The following MAP3K9 variants were observed in gnomAD, a reference collection of about 807,000 sequenced individuals.
The protein encoded by MAP3K9 is mixed lineage kinase 1 (tyr and ser/thr specificity).
A neutral mutation model predicts 95.8 loss-of-function variants in MAP3K9; 46 were observed. That is an observed-to-expected ratio of 0.48 (90% CI 0.38 to 0.61). The LOEUF is 0.61. Ranked by LOEUF, MAP3K9 falls within the 20% of genes least tolerant of loss-of-function variation. The pLI is 0.00. For synonymous variants in MAP3K9, 533 were observed against 593.8 expected, an observed-to-expected ratio of 0.90 and a Z score of 1.49; for missense variants, 1,296 against 1,474.3, an observed-to-expected ratio of 0.88 and a Z score of 1.98.
chr14:70,732,659 T>A lies in MAP3K9; in HGVS notation c.2710A>T (p.Thr904Ser). 3 of 1,603,744 alleles carry A rather than the reference T, an allele frequency of 1.9e-6. No individual in the cohort carries two copies. Among genetic ancestry groups the A allele is most frequent in the Non-Finnish European group, 2.6e-6 (3 of 1,174,234 alleles). ...TGACTGCTGGGCTGCGAGGGGGTGG[T>A]GAGGGTGACATGGGTGGGAGTCAGA... The part of the protein sequence containing the change: ...QSLTPTHVTL[T>S]TPSQPSSHRR... Residue 904 changes from threonine to serine, a missense_variant, in exon 11 of 12, where the codon ACC (threonine) becomes TCC (serine). By Grantham distance (58) the Thr-to-Ser change is moderately conservative. Transcript: ENST00000554752.
chr14:70,745,118 G>T (rs1325798985), intron 5 of MAP3K9, among the ~76,000 whole-genome samples: 1 of 152,178 alleles, frequency 6.6e-6, no homozygotes, highest in Non-Finnish European at 1.5e-5. Context: ...TTAAAGTGGG[G>T]TGTGGGGTGG....
Position 70,767,721 on chromosome 14 carries a change from C to G in MAP3K9, c.821-6539G>C, listed in dbSNP as rs182655949. Among the ~76,000 whole-genome samples, 58 of 152,320 alleles carry G rather than the reference C, an allele frequency of 3.8e-4. 2 individuals are homozygous for G. The South Asian group carries it at 0.011, about 30-fold the overall frequency. On this transcript the variant is annotated intron_variant, in intron 2 of 11. Transcript: ENST00000554752. The stretch of plus-strand genomic sequence containing the variant: ...AGTATCAGGTCAAGACAGGGTCTCA[C>G]TCTGTTGCCCAGAATGGAGTGCAGT...
intron 2 of MAP3K9, among the ~76,000 whole-genome samples, chr14:70,776,867 T>C (rs1377498225): frequency 2.6e-5 from 4 of 151,494 alleles, no homozygotes; most frequent in East Asian, 1.9e-4. Flanking sequence ...GTCTCGCTCT[T>C]GTCCCCCAGG....
At chr14:70,753,116 C>G (rs74324644) in intron 3 of MAP3K9, among the ~76,000 whole-genome samples, 2,844 of 152,326 alleles carry the variant, frequency 0.019, 38 homozygotes, top group Non-Finnish European at 0.03. Flanking sequence ...GCAAGTTCAC[C>G]TCTCCAAACC....
chr14:70,804,165 C>T (rs2054963676), intron 1 of MAP3K9, among the ~76,000 whole-genome samples: 1 of 152,196 alleles, frequency 6.6e-6, no homozygotes, highest in Admixed American at 6.5e-5. Flanking sequence ...GAAGTAGCAG[C>T]TGACCTGGTG....
intron 2 of MAP3K9, among the ~76,000 whole-genome samples, chr14:70,774,770 A>T (rs1464966712): frequency 6.6e-6 from 1 of 151,962 alleles, no homozygotes. Flanking sequence ...GTGGATCATG[A>T]GGTCAAGAGA....
rs768701260 is a variant in MAP3K9, at chr14:70,749,948, C to T, written c.1135G>A (p.Ala379Thr). The T allele has an allele frequency of 2.5e-6, 4 of 1,614,068 alleles. No individual in the cohort carries two copies. Among genetic ancestry groups the T allele is most frequent in the East Asian group, 4.5e-5 (2 of 44,888 alleles). Residue 379 changes from alanine to threonine, a missense_variant, in exon 4 of 12, where the codon GCC (alanine) becomes ACC (threonine). Around this residue, in one of 5 missense-constraint regions of MAP3K9, gnomAD observed 136 missense variants for 221.5 expected, o/e 0.61. Coordinates refer to ENST00000554752, the MANE Select transcript of MAP3K9 (RefSeq NM_001284230.2). ...PIPSTCPEPF[A>T]KLMEDCWNPD... Reference sequence around the variant, plus strand: ...GCTTACTTACCTTCCATGAGTTTGGCAAAAGGTTCTGGGCACGTAGAAGGA... The same window carrying T: ...GCTTACTTACCTTCCATGAGTTTGGTAAAAGGTTCTGGGCACGTAGAAGGA...
rs145255814 is a variant in MAP3K9, at chr14:70,786,794, A to G, written c.820+13873T>C. 8.3e-3 allele frequency among the ~76,000 whole-genome samples: 1,258 copies of G among 152,340 alleles called. 6 individuals carry two copies. The highest frequency in any genetic ancestry group is 0.013 in the Non-Finnish European group (876 of 68,026). ...TAAGCTCTAATCATATCTATAAGCA[A>G]AAAAGAAAGTCAAGAATGACCAGAA... On this transcript the variant is annotated intron_variant, in intron 2 of 11. Coordinates refer to ENST00000554752, the MANE Select transcript of MAP3K9 (RefSeq NM_001284230.2).
In MAP3K9 at chr14:70,725,008, A is replaced by G. The variant is rs1362474201; in HGVS notation, c.*5372T>C. The G allele has an allele frequency of 6.6e-6, 1 of 152,358 alleles. No homozygotes were observed. Among genetic ancestry groups the G allele is most frequent in the Non-Finnish European group, 1.5e-5 (1 of 68,136 alleles). The allele number at this position is 152,358 out of a possible 1,614,324, so 9.4% of individuals were successfully genotyped here. A position where few individuals can be genotyped will look rare whatever the true frequency, so the allele number is the denominator to read the frequency against. The stretch of plus-strand genomic sequence containing the variant: ...GGTGATGAGTGCTTTCAAAGAGGGC[A>G]GGTCAGACCAGACAGGTAGGAAGAT... On this transcript the variant is annotated 3_prime_UTR_variant, in exon 12 of 12. Coordinates refer to ENST00000554752, the MANE Select transcript of MAP3K9 (RefSeq NM_001284230.2).
At chr14:70,796,331 A>G (rs1323921292) in intron 2 of MAP3K9, among the ~76,000 whole-genome samples, 8 of 152,242 alleles carry the variant, frequency 5.3e-5, no homozygotes, top group South Asian at 4.1e-4. Flanking sequence ...GTGATGTGGT[A>G]AAGTAGTATA....
chr14:70,807,693 T>C (rs947341567), intron 1 of MAP3K9, among the ~76,000 whole-genome samples: 2 of 152,152 alleles, frequency 1.3e-5, no homozygotes, highest in Non-Finnish European at 2.9e-5. Flanking sequence ...AACAATACCT[T>C]TTTAACAGAT....
chr14:70,798,942 T>C (rs1257874922), intron 2 of MAP3K9, among the ~76,000 whole-genome samples: 2 of 152,180 alleles, frequency 1.3e-5, no homozygotes, highest in Non-Finnish European at 2.9e-5. Flanking sequence ...ACATATCTAA[T>C]GTTCCATACC....
chr14:70,769,996 C>T (rs1430371896), intron 2 of MAP3K9, among the ~76,000 whole-genome samples: 1 of 152,138 alleles, frequency 6.6e-6, no homozygotes, highest in Non-Finnish European at 1.5e-5. Context: ...ATGAAGCCTT[C>T]CCAAAGGGAA....
intron 7 of MAP3K9, among the ~76,000 whole-genome samples, chr14:70,739,562 T>G (rs1363371424): frequency 6.7e-6 from 1 of 150,320 alleles, no homozygotes; most frequent in African/African-American, 2.5e-5. Context: ...TTTAAGCAAA[T>G]ACTGTAGCAA....
rs1221330932 is a variant in MAP3K9, at chr14:70,728,357, C to T, written c.*2023G>A. On this transcript the variant is annotated 3_prime_UTR_variant, in exon 12 of 12. Transcript: ENST00000554752. ...CAGGCTGGTCTCGAACTCCCGACCT[C>T]AGGTGATCCACCTGCCTCTGCCTCC... 6.6e-6 allele frequency: 1 copy of T among 152,120 alleles called. No individual in the cohort carries two copies. Among genetic ancestry groups the T allele is most frequent in the Non-Finnish European group, 1.5e-5 (1 of 68,056 alleles). The allele number at this position is 152,120 out of a possible 1,614,324, so 9.4% of individuals were successfully genotyped here. A position where few individuals can be genotyped will look rare whatever the true frequency, so the allele number is the denominator to read the frequency against.
At position 70,726,663 on chromosome 14, in the gene MAP3K9, G is replaced by C. The variant is rs370547966; in HGVS notation, c.*3717C>G. On this transcript the variant is annotated 3_prime_UTR_variant, in exon 12 of 12. Transcript: ENST00000554752. ...GGCAGAAGGGCATGGGCCCGACCAG[G>C]GCCCCCATTAGTCATGCTCAACCAC... 3 of 152,264 alleles carry C rather than the reference G, an allele frequency of 2.0e-5. No homozygotes were observed. Among genetic ancestry groups the C allele is most frequent in the East Asian group, 3.8e-4 (2 of 5,204 alleles). The allele number at this position is 152,264 out of a possible 1,614,324, so 9.4% of individuals were successfully genotyped here. A position where few individuals can be genotyped will look rare whatever the true frequency, so the allele number is the denominator to read the frequency against.
intron 2 of MAP3K9, among the ~76,000 whole-genome samples, chr14:70,768,776 C>T (rs1270085311): frequency 6.6e-6 from 1 of 152,050 alleles, no homozygotes; most frequent in African/African-American, 2.4e-5. Context: ...GTAAACTTAG[C>T]TTTGGTTGAT....
chr14:70,734,327 C>A (rs1379338261), intron 10 of MAP3K9, 59 bp downstream of exon 10: 2 of 1,225,144 alleles, frequency 1.6e-6, no homozygotes, highest in Non-Finnish European at 2.4e-6. Flanking sequence ...GAAGCTTGGG[C>A]AAGAATGCCC....
At position 70,742,569 on chromosome 14, in the gene MAP3K9, T is replaced by A; in HGVS notation, c.1349A>T (p.Glu450Val). The A allele has an allele frequency of 6.2e-7, 1 of 1,613,956 alleles. No individual in the cohort carries two copies. The highest frequency in any genetic ancestry group is 8.5e-7 in the Non-Finnish European group (1 of 1,179,964). ...KEKELRTWEEELTRAALQQKN... is the reference protein window; with the variant it reads ...KEKELRTWEEVLTRAALQQKN... ...CTGCTGCAGTGCAGCCCGCGTCAGCTCCTCCTCCCAGGTGCGAAGTTCCTG... is the reference window on the plus strand; with the variant it reads ...CTGCTGCAGTGCAGCCCGCGTCAGCACCTCCTCCCAGGTGCGAAGTTCCTG... Residue 450 changes from glutamate (E) to valine (V), a missense_variant, in exon 6 of 12, where the codon GAG becomes GTG. Coordinates refer to ENST00000554752, the MANE Select transcript of MAP3K9 (RefSeq NM_001284230.2).
Sources: allele counts gnomAD v4.1 joint callset (sites outside exome capture counted in the v4.1 genomes callset), GRCh38; gene constraint gnomAD v4.1.1; regional missense constraint gnomAD v4.1.1; transcripts MANE v1.5; gene names NCBI Gene and HGNC (gene_info 2026-07-23, HGNC 2026-07-21).